Variants in ITSN1 observed in about 807,000 individuals in gnomAD.
ITSN1 encodes intersectin-1.
Under a neutral mutation model 239.8 loss-of-function variants are expected in ITSN1, and 58 were observed. The observed-to-expected ratio is 0.24, with a 90% CI of 0.20 to 0.30. The LOEUF is 0.30. Among genes scored for constraint, ITSN1 ranks in the 10% least tolerant of loss-of-function variants. The probability of loss-of-function intolerance (pLI) is 1.00; values close to 1 mark genes in which losing one functional copy is unlikely to be tolerated. For synonymous variants in ITSN1, 780 were observed against 770.8 expected, an observed-to-expected ratio of 1.01 and a Z score of -0.20; for missense variants, 1,558 against 2,103.3, an observed-to-expected ratio of 0.74 and a Z score of 5.07.
chr21:33,770,725 A>G (rs535584692), intron 11 of ITSN1, among the ~76,000 whole-genome samples: 121 of 151,128 alleles, frequency 8.0e-4, no homozygotes, highest in African/African-American at 2.9e-3. Flanking sequence ...TGCAGCATGT[A>G]TCATTACATC....
chr21:33,853,301 C>G (rs775629270), intron 29 of ITSN1, among the ~76,000 whole-genome samples: 28 of 152,226 alleles, frequency 1.8e-4, no homozygotes, highest in Non-Finnish European at 3.5e-4. Flanking sequence ...CTTCCCCTGA[C>G]CTCCAAGCTC....
At chr21:33,678,410 G>A (rs528350624) in intron 1 of ITSN1, among the ~76,000 whole-genome samples, 53 of 152,168 alleles carry the variant, frequency 3.5e-4, no homozygotes, top group African/African-American at 1.2e-3. Flanking sequence ...CTTCCTATTC[G>A]AGAATGTAAG....
At chr21:33,844,234 C>G (rs1366690025) in intron 29 of ITSN1, among the ~76,000 whole-genome samples, 1 of 152,192 alleles carries the variant, frequency 6.6e-6, no homozygotes, top group Non-Finnish European at 1.5e-5. Flanking sequence ...GACCTCTGGA[C>G]CAAAGACCAG....
At chr21:33,737,453 A>G (rs2066571353) in intron 5 of ITSN1, among the ~76,000 whole-genome samples, 1 of 152,192 alleles carries the variant, frequency 6.6e-6, no homozygotes. Flanking sequence ...GATCAAGTTT[A>G]CTTAAGTATT....
chr21:33,726,584 G>C (rs1168514467), intron 4 of ITSN1, among the ~76,000 whole-genome samples: 2 of 152,092 alleles, frequency 1.3e-5, no homozygotes, highest in African/African-American at 4.8e-5. Context: ...GCTCACTGCA[G>C]CCTCAATATT....
chr21:33,728,576 T>C (rs1461037494), intron 4 of ITSN1, among the ~76,000 whole-genome samples: 2 of 152,166 alleles, frequency 1.3e-5, no homozygotes, highest in Non-Finnish European at 2.9e-5. Flanking sequence ...CTCAGGGTCA[T>C]TGTACTTAGT....
intron 4 of ITSN1, among the ~76,000 whole-genome samples, chr21:33,729,440 C>G (rs2066028605): frequency 1.3e-5 from 2 of 151,482 alleles, no homozygotes; most frequent in Non-Finnish European, 2.9e-5. Flanking sequence ...AGAGTGAGAC[C>G]CTGTCTCAAA....
Position 33,817,971 on chromosome 21 carries a change from A to C in ITSN1, c.2728-296A>C. On this transcript the variant is annotated intron_variant, in intron 22 of 39. Transcript: ENST00000381318. ...AATAGAACCAAAATATAAAGGGCACACAGCCAGATGCAACAGAATAATTGT... is the reference window on the plus strand; with the variant it reads ...AATAGAACCAAAATATAAAGGGCACCCAGCCAGATGCAACAGAATAATTGT... 7.0e-6 allele frequency: 3 copies of C among 425,958 alleles called. No homozygotes were observed. In the East Asian group the frequency reaches 1.3e-4, roughly 18 times the overall value. 26.4% of individuals were successfully genotyped at this position (425,958 alleles called of 1,614,324 possible).
intron 25 of ITSN1, 65 bp downstream of exon 25, chr21:33,823,718 A>C: frequency 6.8e-7 from 1 of 1,473,122 alleles, no homozygotes. Flanking sequence ...GGGAGTCACG[A>C]TGTTTGACAG....
intron 16 of ITSN1, among the ~76,000 whole-genome samples, chr21:33,784,872 C>G (rs1387968860): frequency 2.0e-5 from 3 of 152,224 alleles, no homozygotes; most frequent in African/African-American, 7.2e-5. Flanking sequence ...TCTCCTGACT[C>G]TTGGGGTTTC....
intron 1 of ITSN1, among the ~76,000 whole-genome samples, chr21:33,706,307 C>T (rs116905642): frequency 0.042 from 6,411 of 152,224 alleles, 167 homozygotes; most frequent in Non-Finnish European, 0.066. Context: ...GCATGAGCCA[C>T]CAAGTTTTTA....
chr21:33,658,146 A>G (rs1020165083), intron 1 of ITSN1, among the ~76,000 whole-genome samples: 2 of 152,250 alleles, frequency 1.3e-5, no homozygotes, highest in African/African-American at 4.8e-5. Context: ...AAAGGAAAAT[A>G]GTATTAAGAA....
chr21:33,684,131 G>A (rs1031583620), intron 1 of ITSN1, among the ~76,000 whole-genome samples: 5 of 152,154 alleles, frequency 3.3e-5, no homozygotes, highest in Admixed American at 3.3e-4. Context: ...TTCTGTATAA[G>A]TAGAATGCTG....
intron 10 of ITSN1, among the ~76,000 whole-genome samples, chr21:33,766,252 A>G (rs1459518517): frequency 2.0e-5 from 3 of 152,240 alleles, no homozygotes. Context: ...ATTTTCTACC[A>G]ACCTATGTCA....
intron 29 of ITSN1, among the ~76,000 whole-genome samples, chr21:33,839,867 G>GTC (rs1421060154): frequency 6.6e-6 from 1 of 152,190 alleles, no homozygotes; most frequent in African/African-American, 2.4e-5. Context: ...TGCTGCTGGT[G>GTC]TCTCATGGTT....
chr21:33,742,637 A>G (rs1450932732), intron 5 of ITSN1, among the ~76,000 whole-genome samples: 1 of 152,234 alleles, frequency 6.6e-6, no homozygotes, highest in Non-Finnish European at 1.5e-5. Flanking sequence ...TATGAACTCA[A>G]AAGACTGGCC....
At chr21:33,776,476 C>T (rs182656192) in intron 14 of ITSN1, among the ~76,000 whole-genome samples, 20 of 145,922 alleles carry the variant, frequency 1.4e-4, no homozygotes, top group Non-Finnish European at 2.1e-4. Flanking sequence ...CTTGAGCCCA[C>T]GATATCGAGG....
chr21:33,664,973 G>A (rs1239371871), intron 1 of ITSN1, among the ~76,000 whole-genome samples: 1 of 148,596 alleles, frequency 6.7e-6, no homozygotes. Context: ...AAAATAATTA[G>A]ACATAACGTG....
At chr21:33,690,278 A>G (rs2091448130) in intron 1 of ITSN1, among the ~76,000 whole-genome samples, 1 of 151,244 alleles carries the variant, frequency 6.6e-6, no homozygotes, top group African/African-American at 2.4e-5. Flanking sequence ...ACTCTGTCTC[A>G]AAAAGAATTA....
Sources: allele counts gnomAD v4.1 joint callset (sites outside exome capture counted in the v4.1 genomes callset), GRCh38; gene constraint gnomAD v4.1.1; transcripts MANE v1.5; gene names NCBI Gene and HGNC (gene_info 2026-07-23, HGNC 2026-07-21).